The following AQR variants were observed in gnomAD, a reference collection of about 807,000 sequenced individuals.
The protein encoded by AQR is aquarius intron-binding spliceosomal factor, also known as RNA helicase aquarius.
AQR carries 61 observed loss-of-function variants against 180.5 expected under a neutral mutation model. The ratio of observed to expected loss-of-function variants is 0.34; its 90% confidence interval spans 0.28 to 0.42. AQR has a LOEUF of 0.42. Ranked by LOEUF, AQR falls within the 10% of genes least tolerant of loss-of-function variation. The pLI is 1.00. For synonymous variants in AQR, 551 were observed against 588.8 expected (o/e 0.94, Z 0.93); for missense variants, 1,281 against 1,798.3 (o/e 0.71, Z 5.20).
At chr15:34,957,147 G>A (rs562950044) in intron 3 of AQR, among the ~76,000 whole-genome samples, 1 of 122,992 alleles carries the variant, frequency 8.1e-6, no homozygotes, top group South Asian at 3.4e-4. Context: ...CTAAAAAACT[G>A]GTCATTTAAA....
At chr15:34,906,915 GA>G (rs1271770847) in intron 17 of AQR, among the ~76,000 whole-genome samples, 1 of 152,050 alleles carries the variant, frequency 6.6e-6, no homozygotes, top group African/African-American at 2.4e-5. Flanking sequence ...TAATTGAAAT[GA>G]AAACTTCTTT....
At chr15:34,906,825 G>T in intron 17 of AQR, 113 bp from the exon 18 acceptor site, 1 of 962,382 alleles carries the variant, frequency 1.0e-6, no homozygotes, top group Non-Finnish European at 1.5e-6. Flanking sequence ...AGATACCGTT[G>T]AGTGACCAAT....
At chr15:34,953,086 G>T (rs1197465041) in intron 3 of AQR, among the ~76,000 whole-genome samples, 166 bp from the exon 4 acceptor site, 3 of 152,096 alleles carry the variant, frequency 2.0e-5, no homozygotes, top group African/African-American at 7.2e-5. Context: ...CTTAAGCACT[G>T]ACCAACATGT....
At chr15:34,922,632 C>T (rs139325502) in intron 13 of AQR, among the ~76,000 whole-genome samples, 1 of 152,064 alleles carries the variant, frequency 6.6e-6, no homozygotes. Context: ...TAGCTCACTG[C>T]GGCCTCGATC....
rs2140456738 is a variant in AQR, at chr15:34,860,024, C to T, written c.4143+18G>A. 2.4e-6 allele frequency: 3 copies of T among 1,250,224 alleles called. No individual in the cohort carries two copies. The highest frequency in any genetic ancestry group is 2.8e-5 in the East Asian group (1 of 36,140). 77.4% of individuals were successfully genotyped at this position (1,250,224 alleles called of 1,614,324 possible). A position where few individuals can be genotyped will look rare whatever the true frequency, so the allele number is the denominator to read the frequency against. On this transcript the variant is annotated intron_variant, in intron 34 of 34. Transcript: ENST00000156471. ...TTTCTACAGCAAGAAAAATAAAAGTCGATTTTGAGAAACTCACCTGATGAT... is the reference window on the plus strand; with the variant it reads ...TTTCTACAGCAAGAAAAATAAAAGTTGATTTTGAGAAACTCACCTGATGAT...
chr15:34,884,471 TA>T lies in AQR; in HGVS notation c.3027+53del, dbSNP rs1200793640. The T allele has an allele frequency of 1.6e-5, 22 of 1,359,220 alleles. No homozygotes were observed. The Admixed American group carries it at 3.9e-4, about 24-fold the overall frequency. 84.2% of individuals were successfully genotyped at this position (1,359,220 alleles called of 1,614,324 possible). On this transcript the variant is annotated intron_variant, in intron 26 of 34. Coordinates refer to ENST00000156471, the MANE Select transcript of AQR (RefSeq NM_014691.3). Reference sequence around the variant, plus strand: ...TTTCACATTTACTTCAAAAAAAAACTAAACTAAATTAAAAACCACTAAAGGG... The same window carrying T: ...TTTCACATTTACTTCAAAAAAAAACTAACTAAATTAAAAACCACTAAAGGG...
At chr15:34,894,788 T>G (rs1334552464) in intron 22 of AQR, among the ~76,000 whole-genome samples, 1 of 152,040 alleles carries the variant, frequency 6.6e-6, no homozygotes, top group Non-Finnish European at 1.5e-5. Flanking sequence ...TAATACTGAT[T>G]GTAAGTAGGC....
At chr15:34,926,556 C>G (rs181964096) in intron 13 of AQR, among the ~76,000 whole-genome samples, 1 of 152,196 alleles carries the variant, frequency 6.6e-6, no homozygotes, top group Non-Finnish European at 1.5e-5. Context: ...GTTGTTTACA[C>G]ACTTAACAGA....
chr15:34,933,315 C>G (rs1485995781), intron 10 of AQR, among the ~76,000 whole-genome samples: 1 of 152,160 alleles, frequency 6.6e-6, no homozygotes, highest in African/African-American at 2.4e-5. Context: ...TATCAAAAAA[C>G]CACCTTACTT....
intron 32 of AQR, among the ~76,000 whole-genome samples, chr15:34,866,304 T>A (rs1379024642): frequency 6.6e-6 from 1 of 152,110 alleles, no homozygotes; most frequent in Non-Finnish European, 1.5e-5. Flanking sequence ...CCACCAACAC[T>A]ATCCCCCATG....
chr15:34,867,116 C>T (rs1159030870), intron 32 of AQR, among the ~76,000 whole-genome samples: 1 of 152,030 alleles, frequency 6.6e-6, no homozygotes, highest in African/African-American at 2.4e-5. Context: ...CAAATGGCTC[C>T]TTTATCCTCT....
rs941555420 is a variant in AQR, at chr15:34,904,681, T to C, written c.1832-176A>G. On this transcript the variant is annotated intron_variant, in intron 18 of 34. Coordinates refer to ENST00000156471, the MANE Select transcript of AQR (RefSeq NM_014691.3). ...ACTTCAAATTCTAAGATGCTGAAAG[T>C]ATTTTCTTCTTTCTCTAAATTCTTA... 2.7e-5 allele frequency among the ~76,000 whole-genome samples: 4 copies of C among 150,694 alleles called. No individual in the cohort carries two copies. In the East Asian group the frequency reaches 7.7e-4, roughly 29 times the overall value.
At position 34,897,552 on chromosome 15, in the gene AQR, A is replaced by G. The variant is rs1566984726; in HGVS notation, c.2390+7T>C. On this transcript the variant is annotated splice_region_variant and intron_variant, in intron 21 of 34. Transcript: ENST00000156471. Reference sequence around the variant, plus strand: ...ATCATTACAATTATAATAGGTAGTAAAATTACCGTTTGGGTTGATTATAAG... The same window carrying G: ...ATCATTACAATTATAATAGGTAGTAGAATTACCGTTTGGGTTGATTATAAG... The G allele has an allele frequency of 6.2e-7, 1 of 1,613,700 alleles. No individual in the cohort carries two copies. Among genetic ancestry groups the G allele is most frequent in the Admixed American group, 1.7e-5 (1 of 60,024 alleles).
intron 13 of AQR, among the ~76,000 whole-genome samples, chr15:34,922,288 G>A (rs1429121082): frequency 6.6e-6 from 1 of 152,150 alleles, no homozygotes; most frequent in Non-Finnish European, 1.5e-5. Flanking sequence ...GGATATTTGT[G>A]TAGTCCAGTT....
intron 24 of AQR, 72 bp from the exon 25 acceptor site, chr15:34,886,733 C>A: frequency 7.0e-7 from 1 of 1,429,116 alleles, no homozygotes; most frequent in South Asian, 1.4e-5. Context: ...CAGCAAAATT[C>A]AAGAAAATCA....
At position 34,870,788 on chromosome 15, in the gene AQR, T is replaced by C. The variant is rs1892805659; in HGVS notation, c.3732A>G (p.Arg1244=). 1 of 1,612,702 alleles carries C rather than the reference T, an allele frequency of 6.2e-7. No individual in the cohort carries two copies. Among genetic ancestry groups the C allele is most frequent in the African/African-American group, 1.3e-5 (1 of 74,892 alleles). ...KHLIRDIINR[R]CGNNPLIGRP... ...TTCCAATCAATGGATTGTTTCCACATCGTCTATTGATGATGTCGCGAATAA... is the reference window on the plus strand; with the variant it reads ...TTCCAATCAATGGATTGTTTCCACACCGTCTATTGATGATGTCGCGAATAA... The change falls in exon 31 of 35, where the codon CGA becomes CGG. Residue 1244 remains arginine (R), a synonymous_variant. Coordinates refer to ENST00000156471, the MANE Select transcript of AQR (RefSeq NM_014691.3).
intron 3 of AQR, among the ~76,000 whole-genome samples, chr15:34,957,703 A>C (rs1342538487): frequency 1.8e-5 from 2 of 110,418 alleles, no homozygotes; most frequent in African/African-American, 5.5e-5. Flanking sequence ...CTCCGTCTCA[A>C]AAAAACATAA....
At chr15:34,964,965 G>T (rs1396239965) in intron 1 of AQR, among the ~76,000 whole-genome samples, 1 of 152,068 alleles carries the variant, frequency 6.6e-6, no homozygotes, top group Non-Finnish European at 1.5e-5. Context: ...TAGAAAACTG[G>T]CAAGCACAAA....
intron 27 of AQR, among the ~76,000 whole-genome samples, chr15:34,881,569 CA>C (rs1273706438): frequency 6.6e-6 from 1 of 152,202 alleles, no homozygotes; most frequent in African/African-American, 2.4e-5. Flanking sequence ...ATTTACTGCT[CA>C]ATCATTACTT....
Sources: allele counts gnomAD v4.1 joint callset (sites outside exome capture counted in the v4.1 genomes callset), GRCh38; gene constraint gnomAD v4.1.1; transcripts MANE v1.5; gene names NCBI Gene and HGNC (gene_info 2026-07-23, HGNC 2026-07-21).